Variants in BYSL observed in about 807,000 individuals in gnomAD.
The protein encoded by BYSL is bystin like, also known as bystin.
Under a neutral mutation model 45.4 loss-of-function variants are expected in BYSL, and 21 were observed. The observed-to-expected ratio is 0.46, with a 90% confidence interval of 0.33 to 0.67. The LOEUF (loss-of-function observed/expected upper bound fraction) is 0.67, where lower values mean the gene tolerates loss of function less well. Among genes scored for constraint, BYSL ranks in the 30% least tolerant of loss-of-function variants. The pLI, the probability that BYSL is intolerant of heterozygous loss-of-function variation, is 0.02. For synonymous variants in BYSL, 215 were observed against 231.3 expected, an observed-to-expected ratio of 0.93 and a Z score of 0.64; for missense variants, 522 against 578.5, an observed-to-expected ratio of 0.90 and a Z score of 1.00.
At chr6:41,918,654 A>C (rs1258065206), upstream of BYSL, among the ~76,000 whole-genome samples, 3 of 151,630 alleles carry the variant, frequency 2.0e-5, no homozygotes, top group Admixed American at 2.0e-4. Context: ...TCTACCAAAA[A>C]TACAAAAAAA....
intron 1 of BYSL, among the ~76,000 whole-genome samples, chr6:41,925,524 C>A (rs957219609): frequency 6.6e-6 from 1 of 151,740 alleles, no homozygotes; most frequent in African/African-American, 2.4e-5. Flanking sequence ...CCACCACACC[C>A]GGCTAATTTT....
Position 41,932,959 on chromosome 6 carries a change from T to G in BYSL, c.*253T>G. 2.1e-6 allele frequency: 1 copy of G among 481,572 alleles called. No individual in the cohort carries two copies. The highest frequency in any genetic ancestry group is 3.7e-6 in the Non-Finnish European group (1 of 267,894). The allele number at this position is 481,572 out of a possible 1,614,324, so 29.8% of individuals were successfully genotyped here. A position where few individuals can be genotyped will look rare whatever the true frequency, so the allele number is the denominator to read the frequency against. On this transcript the variant is annotated 3_prime_UTR_variant, in exon 7 of 7. Transcript: ENST00000230340. This position sits in a 1 kb window ranked among gnomAD's most constrained non-coding sequence, Gnocchi z 4.7. ...AGATACCATATGCTAGCATTCCCAG[T>G]CCCCAGCTGGGGCTTGGTGTGAGTA... is the stretch of plus-strand genomic sequence containing the variant.
intron 5 of BYSL, 55 bp from the exon 6 acceptor site, chr6:41,931,673 G>A (rs776499999): frequency 2.5e-6 from 4 of 1,606,114 alleles, no homozygotes; most frequent in Middle Eastern, 1.6e-4. Flanking sequence ...GCTTCCTGCT[G>A]TAACTCCTTT....
At chr6:41,920,820 A>C, upstream of BYSL, 1 of 607,710 alleles carries the variant, frequency 1.6e-6, no homozygotes. Flanking sequence ...CCGCCTTCCA[A>C]GAGGAAGGGG....
chr6:41,927,953 T>TTG (rs1775587089), intron 2 of BYSL, among the ~76,000 whole-genome samples: 1 of 152,156 alleles, frequency 6.6e-6, no homozygotes, highest in African/African-American at 2.4e-5. Context: ...CTGGGTAATT[T>TTG]TGTGTGTGTG....
chr6:41,912,290 C>T, the BYSL span, among the ~76,000 whole-genome samples: 2 of 149,948 alleles, frequency 1.3e-5, no homozygotes, highest in Non-Finnish European at 3.0e-5. Flanking sequence ...ATCCTCTCAC[C>T]TCTACCTCCC....
chr6:41,909,522 C>T, the BYSL span: 1 of 1,613,902 alleles, frequency 6.2e-7, no homozygotes, highest in South Asian at 1.1e-5. Context: ...CCCGGTCTGA[C>T]CTGCAAGGGA....
At chr6:41,917,023 C>A, upstream of BYSL, 1 of 1,423,396 alleles carries the variant, frequency 7.0e-7, no homozygotes, top group East Asian at 2.3e-5. Context: ...AGCATCACAG[C>A]TCATCAGGGC....
At chr6:41,921,851 C>G in intron 1 of BYSL, 21 bp downstream of exon 1, 1 of 1,602,268 alleles carries the variant, frequency 6.2e-7, no homozygotes. Flanking sequence ...GGGATGAGGT[C>G]CGAGGAAGAC....
chr6:41,921,296 A>G (rs1775461192), upstream of BYSL: 5 of 604,850 alleles, frequency 8.3e-6, no homozygotes, highest in East Asian at 8.7e-5. Flanking sequence ...GCCTACATCC[A>G]TGAAGCTAGG....
intron 2 of BYSL, among the ~76,000 whole-genome samples, chr6:41,928,621 C>T (rs146323673): frequency 9.8e-4 from 149 of 152,182 alleles, no homozygotes; most frequent in African/African-American, 3.5e-3. Flanking sequence ...TCCTGGCAGT[C>T]GTAAGAAATG....
chr6:41,924,539 T>C (rs898047396), intron 1 of BYSL, among the ~76,000 whole-genome samples: 11 of 152,216 alleles, frequency 7.2e-5, no homozygotes, highest in Non-Finnish European at 2.9e-5. Context: ...TTCGTGGATA[T>C]ATTGCCAGCA....
At chr6:41,911,144 AG>A in the BYSL span, among the ~76,000 whole-genome samples, 2 of 150,800 alleles carry the variant, frequency 1.3e-5, no homozygotes, top group Non-Finnish European at 3.0e-5. Context: ...TGAGAGAGAT[AG>A]GCTAAAAACT....
chr6:41,912,664 G>A, the BYSL span, among the ~76,000 whole-genome samples: 1 of 151,954 alleles, frequency 6.6e-6, no homozygotes, highest in Admixed American at 6.6e-5. Flanking sequence ...GACGACAATC[G>A]TATTTTCTAT....
chr6:41,930,759 A>G lies in BYSL; in HGVS notation c.695A>G (p.Gln232Arg), dbSNP rs777042067. The G allele has an allele frequency of 1.7e-5, 27 of 1,613,046 alleles. No homozygotes were observed. The highest frequency in any genetic ancestry group is 2.3e-5 in the Non-Finnish European group (27 of 1,179,664). ...GCCTGGACTGCAGCTGCCATGTACC[A>G]GGCCACCAGGTAGAGTAGCTGGGGG... ...PEAWTAAAMY[Q>R]ATRIFASNLK... is the part of the protein sequence containing the mutation. The change falls in exon 4 of 7, where the codon CAG becomes CGG. Residue 232 changes from glutamine to arginine, a missense_variant. Transcript: ENST00000230340.
intron 1 of BYSL, among the ~76,000 whole-genome samples, chr6:41,924,911 T>C (rs1423410944): frequency 2.6e-5 from 4 of 152,044 alleles, no homozygotes; most frequent in Non-Finnish European, 4.4e-5. Flanking sequence ...TAAAATTGAA[T>C]ATGATTTAGT....
upstream of BYSL, chr6:41,921,249 C>T (rs1582068290): frequency 1.5e-5 from 10 of 648,738 alleles, no homozygotes; most frequent in East Asian, 2.6e-4. Flanking sequence ...CCCGAGGTTT[C>T]TAAATCCAGA....
At chr6:41,921,477 G>T (rs1775465544), upstream of BYSL, 1 of 1,471,852 alleles carries the variant, frequency 6.8e-7, no homozygotes, top group African/African-American at 1.4e-5. Context: ...GCGGCCTCTT[G>T]GGCGCTGGGA....
the BYSL span, chr6:41,909,553 A>C: frequency 6.2e-7 from 1 of 1,606,202 alleles, no homozygotes; most frequent in African/African-American, 1.3e-5. Flanking sequence ...ATTCATCATC[A>C]AGACTTTCAC....
Sources: gnomAD v4.1 joint callset for allele counts (sites outside exome capture counted in the v4.1 genomes callset) on GRCh38, gnomAD v4.1.1 for gene constraint, Gnocchi (gnomAD v3.1) non-coding constraint, MANE v1.5 for transcripts, NCBI Gene and HGNC (gene_info 2026-07-23, HGNC 2026-07-21) for gene names.